ADAMTS12: variants seen among roughly 807,000 people sequenced by gnomAD.
ADAMTS12 encodes the protein ADAM metallopeptidase with thrombospondin type 1 motif 12, also known as A disintegrin and metalloproteinase with thrombospondin motifs 12.
Under a neutral mutation model 167.8 loss-of-function variants are expected in ADAMTS12, and 118 were observed. The observed-to-expected ratio is 0.70, with a 90% CI of 0.61 to 0.82. The LOEUF (loss-of-function observed/expected upper bound fraction) is 0.82, where lower values mean the gene tolerates loss of function less well. Ranked by LOEUF, ADAMTS12 falls within the 40% of genes least tolerant of loss-of-function variation. The pLI, the probability that ADAMTS12 is intolerant of heterozygous loss-of-function variation, is 0.00. For missense variants in ADAMTS12, 1,916 were observed against 1,998.8 expected (o/e 0.96, Z 0.79); for synonymous variants, 704 against 716.9 (o/e 0.98, Z 0.29).
chr5:33,628,654 T>C (rs1170943464), intron 13 of ADAMTS12, among the ~76,000 whole-genome samples: 1 of 152,202 alleles, frequency 6.6e-6, no homozygotes, highest in Non-Finnish European at 1.5e-5. Flanking sequence ...TATACTTTTA[T>C]GTAATACATG....
chr5:33,655,019 C>G (rs1276270099), intron 7 of ADAMTS12, among the ~76,000 whole-genome samples: 1 of 152,036 alleles, frequency 6.6e-6, no homozygotes, highest in African/African-American at 2.4e-5. Context: ...GGTCCTCAGC[C>G]TGTCTTCCTT....
chr5:33,622,517 GCTGGCGTGCAC>G (rs1267772587), intron 14 of ADAMTS12, among the ~76,000 whole-genome samples: 1 of 152,156 alleles, frequency 6.6e-6, no homozygotes, highest in East Asian at 1.9e-4. Context: ...ATCTGGGTGT[GCTGGCGTGCAC>G]CTGTAGTCCC....
intron 12 of ADAMTS12, among the ~76,000 whole-genome samples, chr5:33,636,519 G>C (rs935856661): frequency 1.3e-5 from 2 of 152,144 alleles, no homozygotes; most frequent in Non-Finnish European, 2.9e-5. Context: ...CACTGCCCTT[G>C]ACAACTAAGA....
Position 33,637,706 on chromosome 5 carries a change from GT to G in ADAMTS12, c.1758del (p.Lys586AsnfsTer55), listed in dbSNP as rs760924308. On this transcript the variant is annotated frameshift_variant, in exon 12 of 24. Coordinates refer to ENST00000504830, the MANE Select transcript of ADAMTS12 (RefSeq NM_030955.4). LOFTEE classifies it high-confidence loss of function. ...GGGTGGACGTTGCACAAGCGATAGC[GT>G]TTTCTTTCTCCAGTGCAATATTTCC... ...FGGKYCTGER[K>X]RYRLCNVHPC... is the part of the protein sequence containing the mutation. The G allele has an allele frequency of 3.1e-6, 5 of 1,613,500 alleles. No homozygotes were observed. The Admixed American group carries it at 8.3e-5, about 27-fold the overall frequency.
chr5:33,564,972 A>G (rs1055701929), intron 19 of ADAMTS12, among the ~76,000 whole-genome samples: 1 of 152,150 alleles, frequency 6.6e-6, no homozygotes, highest in Non-Finnish European at 1.5e-5. Flanking sequence ...AGGCAAATTG[A>G]TATCAATGGT....
intron 15 of ADAMTS12, among the ~76,000 whole-genome samples, chr5:33,614,872 G>A (rs933665754): frequency 2.0e-5 from 3 of 152,186 alleles, no homozygotes; most frequent in Non-Finnish European, 4.4e-5. Context: ...ATGGAAAGTG[G>A]TTAGAACAGT....
At chr5:33,722,335 T>C (rs1197451024) in intron 3 of ADAMTS12, among the ~76,000 whole-genome samples, 1 of 152,230 alleles carries the variant, frequency 6.6e-6, no homozygotes, top group East Asian at 1.9e-4. Context: ...GTATTTAATA[T>C]CAATAATGAT....
chr5:33,623,763 C>T (rs967448508), intron 14 of ADAMTS12, among the ~76,000 whole-genome samples: 2 of 152,036 alleles, frequency 1.3e-5, no homozygotes, highest in African/African-American at 4.8e-5. Context: ...TGAAGGTGCA[C>T]CCCAATTCTT....
chr5:33,742,544 C>A (rs1234172704), intron 3 of ADAMTS12, among the ~76,000 whole-genome samples: 4 of 152,166 alleles, frequency 2.6e-5, no homozygotes, highest in Admixed American at 6.6e-5. Context: ...ACCCTTGCCC[C>A]AGGTAAGACT....
intron 2 of ADAMTS12, among the ~76,000 whole-genome samples, chr5:33,828,323 T>C (rs1178740521): frequency 1.3e-5 from 2 of 152,200 alleles, no homozygotes; most frequent in Admixed American, 1.3e-4. Context: ...AGTTTCCCCT[T>C]TTGTAAACTG....
intron 5 of ADAMTS12, among the ~76,000 whole-genome samples, chr5:33,674,583 G>A (rs1218843064): frequency 6.6e-6 from 1 of 152,100 alleles, no homozygotes. Context: ...TAAAGGATTG[G>A]GGCTTCCTTA....
chr5:33,535,832 T>C (rs1744374917), intron 22 of ADAMTS12, among the ~76,000 whole-genome samples: 1 of 151,944 alleles, frequency 6.6e-6, no homozygotes, highest in Non-Finnish European at 1.5e-5. Context: ...AAGACCCCAG[T>C]GGCATGCAGA....
chr5:33,821,020 G>T (rs745389980), intron 2 of ADAMTS12, among the ~76,000 whole-genome samples: 1 of 152,038 alleles, frequency 6.6e-6, no homozygotes, highest in African/African-American at 2.4e-5. Flanking sequence ...TAACTAATGG[G>T]TACTACCCTT....
rs1317860177 is a variant in ADAMTS12, at chr5:33,660,062, G to A, written c.1041-1729C>T. Among the ~76,000 whole-genome samples, 5 of 152,152 alleles carry A rather than the reference G, an allele frequency of 3.3e-5. No individual in the cohort carries two copies. In the East Asian group the frequency reaches 5.8e-4, roughly 18 times the overall value. ...TTACAATGCACAAGATAGGCCCAAC[G>A]ACAAAGAATCATCAGCCCCAAATGT... On this transcript the variant is annotated intron_variant, in intron 6 of 23. Coordinates refer to ENST00000504830, the MANE Select transcript of ADAMTS12 (RefSeq NM_030955.4).
intron 2 of ADAMTS12, among the ~76,000 whole-genome samples, chr5:33,783,183 C>A (rs2112444865): frequency 6.6e-6 from 1 of 151,652 alleles, no homozygotes; most frequent in Admixed American, 6.6e-5. Context: ...ACCAAAAGAG[C>A]AACTACAAAA....
At position 33,881,042 on chromosome 5, in the gene ADAMTS12, A is replaced by C. The variant is rs1750416090; in HGVS notation, c.489+77T>G. 2.6e-6 allele frequency: 4 copies of C among 1,548,710 alleles called. No homozygotes were observed. The South Asian group carries it at 5.0e-5, about 19-fold the overall frequency. ...CTCCCATATGTCAGTGCATCTGTGA[A>C]CCTGTTGGTAGTAGGTCTACCAGCT... On this transcript the variant is annotated intron_variant, in intron 2 of 23. Transcript: ENST00000504830.
chr5:33,841,590 A>C (rs1748747088), intron 2 of ADAMTS12, among the ~76,000 whole-genome samples: 1 of 152,180 alleles, frequency 6.6e-6, no homozygotes, highest in African/African-American at 2.4e-5. Flanking sequence ...AGCTTGTAGG[A>C]GTTATTTTTA....
intron 2 of ADAMTS12, among the ~76,000 whole-genome samples, chr5:33,854,609 C>T (rs1181559205): frequency 6.6e-6 from 1 of 152,198 alleles, no homozygotes; most frequent in Non-Finnish European, 1.5e-5. Context: ...CTTCTTAAAA[C>T]ATAGGTTCTT....
At chr5:33,810,762 G>A (rs750748222) in intron 2 of ADAMTS12, among the ~76,000 whole-genome samples, 3 of 152,142 alleles carry the variant, frequency 2.0e-5, no homozygotes, top group Non-Finnish European at 4.4e-5. Flanking sequence ...TCTTGTCTCA[G>A]GACTCAGAAT....
Sources: allele counts gnomAD v4.1 joint callset (sites outside exome capture counted in the v4.1 genomes callset), GRCh38; gene constraint gnomAD v4.1.1; transcripts MANE v1.5; gene names NCBI Gene and HGNC (gene_info 2026-07-23, HGNC 2026-07-21).